The following FNDC7 variants were observed in gnomAD, a reference collection of about 807,000 sequenced individuals.
FNDC7 encodes fibronectin type III domain-containing protein 7.
A neutral mutation model predicts 74.2 loss-of-function variants in FNDC7; 66 were observed. The observed-to-expected ratio is 0.89, with a 90% CI of 0.73 to 1.09. FNDC7 has a LOEUF of 1.09. Among genes scored for constraint, FNDC7 ranks in the 50% least tolerant of loss-of-function variants. The pLI, the probability that FNDC7 is intolerant of heterozygous loss-of-function variation, is 0.00. For missense variants in FNDC7, 829 were observed against 893.4 expected (o/e 0.93, Z 0.92); for synonymous variants, 307 against 330.2 (o/e 0.93, Z 0.76).
At chr1:108,732,135 G>A (rs897605814) in intron 9 of FNDC7, among the ~76,000 whole-genome samples, 16 of 152,136 alleles carry the variant, frequency 1.1e-4, no homozygotes, top group African/African-American at 3.9e-4. Flanking sequence ...CGAGGCAGGC[G>A]GATCACGAGG....
chr1:108,713,023 A>G, intron 1 of FNDC7, 27 bp downstream of exon 1: 2 of 1,538,896 alleles, frequency 1.3e-6, no homozygotes, highest in Non-Finnish European at 1.8e-6. Flanking sequence ...AACTACCCAC[A>G]ACTATTTAGG....
chr1:108,722,324 C>G lies in FNDC7; in HGVS notation c.599-11C>G, dbSNP rs780648644. The G allele has an allele frequency of 1.1e-5, 17 of 1,573,166 alleles. No homozygotes were observed. The East Asian group carries it at 3.4e-4, about 31-fold the overall frequency. On this transcript the variant is annotated splice_polypyrimidine_tract_variant and intron_variant, in intron 4 of 12. Coordinates refer to ENST00000370017, the MANE Select transcript of FNDC7 (RefSeq NM_001144937.3). The stretch of plus-strand genomic sequence containing the variant: ...CTACTACAAAATCTTAATTGTTTCT[C>G]TAAAATGTAGGTCCTCGGGCCCCTG...
intron 4 of FNDC7, among the ~76,000 whole-genome samples, chr1:108,721,537 C>T (rs983928764): frequency 1.3e-5 from 2 of 152,332 alleles, no homozygotes; most frequent in African/African-American, 4.8e-5. Context: ...GGTCTCTGCT[C>T]ACAGACTGTT....
At chr1:108,726,066 G>C in intron 6 of FNDC7, 62 bp downstream of exon 6, 1 of 1,576,458 alleles carries the variant, frequency 6.3e-7, no homozygotes, top group South Asian at 1.2e-5. Flanking sequence ...CAGCAGAATG[G>C]ATCACCTATT....
chr1:108,721,606 G>A (rs1349027052), intron 4 of FNDC7, among the ~76,000 whole-genome samples: 1 of 152,188 alleles, frequency 6.6e-6, no homozygotes, highest in South Asian at 2.1e-4. Context: ...TCCAAAGAAC[G>A]GAGGCCAATT....
chr1:108,713,047 A>G, intron 1 of FNDC7, 51 bp downstream of exon 1: 2 of 1,475,820 alleles, frequency 1.4e-6, no homozygotes, highest in Non-Finnish European at 9.2e-7. Flanking sequence ...AAAAAGAAAG[A>G]CACATTATTT....
At chr1:108,716,233 A>C (rs1259499793) in intron 2 of FNDC7, among the ~76,000 whole-genome samples, 2 of 152,146 alleles carry the variant, frequency 1.3e-5, no homozygotes, top group Admixed American at 1.3e-4. Context: ...CTGGGGACAG[A>C]GGAAACAGAA....
chr1:108,725,064 G>A (rs1238481520), intron 5 of FNDC7, among the ~76,000 whole-genome samples: 5 of 151,852 alleles, frequency 3.3e-5, no homozygotes, highest in Admixed American at 3.3e-4. Context: ...CTGGGCAACC[G>A]AGTGAGACTC....
intron 10 of FNDC7, 91 bp from the exon 11 acceptor site, chr1:108,737,404 T>G (rs1661538747): frequency 8.0e-7 from 1 of 1,248,918 alleles, no homozygotes. Context: ...TTTGGTTTAC[T>G]TTCCTTTTAT....
chr1:108,722,623 G>T lies in FNDC7; in HGVS notation c.856+31G>T, dbSNP rs181525844. ...TAAACAAGAGTGAGACTGCTGTCGG[G>T]CTTGCAGCCCTGACTGCTGTAAGGG... On this transcript the variant is annotated intron_variant, in intron 5 of 12. Transcript: ENST00000370017. 981 of 1,589,508 alleles carry T rather than the reference G, an allele frequency of 6.2e-4. 6 individuals carry two copies. In the African/African-American group the frequency reaches 0.011, roughly 18 times the overall value.
chr1:108,735,358 C>T (rs1661485116), intron 10 of FNDC7, among the ~76,000 whole-genome samples: 1 of 152,178 alleles, frequency 6.6e-6, no homozygotes, highest in African/African-American at 2.4e-5. Flanking sequence ...TTCCAGGACA[C>T]TGGTCCAATT....
At chr1:108,714,731 G>A (rs952406584) in intron 2 of FNDC7, among the ~76,000 whole-genome samples, 11 of 148,150 alleles carry the variant, frequency 7.4e-5, no homozygotes, top group Admixed American at 6.2e-4. Flanking sequence ...CAGCCTCTCC[G>A]AGCAGCTGGG....
At chr1:108,714,607 T>TTTC (rs1166877611) in intron 2 of FNDC7, among the ~76,000 whole-genome samples, 1 of 142,096 alleles carries the variant, frequency 7.0e-6, no homozygotes, top group Non-Finnish European at 1.5e-5. Context: ...AAAGTGGCAT[T>TTTC]TTTTTTTTTT....
chr1:108,725,138 A>G (rs1019703103), intron 5 of FNDC7, among the ~76,000 whole-genome samples: 10 of 152,142 alleles, frequency 6.6e-5, no homozygotes, highest in Non-Finnish European at 1.2e-4. Context: ...TTTTAATAAA[A>G]GAATTTTCCA....
chr1:108,740,005 C>A (rs543961323), intron 11 of FNDC7, among the ~76,000 whole-genome samples: 88 of 144,610 alleles, frequency 6.1e-4, no homozygotes, highest in Non-Finnish European at 1.1e-3. Flanking sequence ...TAGTGAGAGC[C>A]CCCTGCCCTC....
intron 2 of FNDC7, among the ~76,000 whole-genome samples, chr1:108,714,324 A>G (rs1306427598): frequency 6.6e-6 from 1 of 152,242 alleles, no homozygotes; most frequent in African/African-American, 2.4e-5. Flanking sequence ...TGATACAGAT[A>G]CATGTCTGAG....
chr1:108,719,005 C>T lies in FNDC7; in HGVS notation c.554C>T (p.Ala185Val), dbSNP rs1022283953. 2.6e-6 allele frequency: 4 copies of T among 1,552,072 alleles called. No individual in the cohort carries two copies. The highest frequency in any genetic ancestry group is 2.7e-5 in the African/African-American group (2 of 73,026). Residue 185 changes from alanine to valine, a missense_variant, in exon 4 of 13, where the codon GCC (alanine) becomes GTC (valine). Transcript: ENST00000370017. Reference sequence around the variant, plus strand: ...ACCATAAAGGCCTATGCATGGAATGCCAACAGAATCCCTGGGGATGACTCC... The same window carrying T: ...ACCATAAAGGCCTATGCATGGAATGTCAACAGAATCCCTGGGGATGACTCC... ...LYTIKAYAWN[A>V]NRIPGDDSTC...
Position 108,728,748 on chromosome 1 carries a change from G to T in FNDC7, c.1486G>T (p.Gly496Ter). 3.1e-6 allele frequency: 5 copies of T among 1,614,258 alleles called. No individual in the cohort carries two copies. The highest frequency in any genetic ancestry group is 4.2e-6 in the Non-Finnish European group (5 of 1,180,022). Residue 496 changes from glycine to a stop codon, truncating the protein, a stop_gained, in exon 8 of 13, where the codon GGA (glycine) becomes TGA (stop). Coordinates refer to ENST00000370017, the MANE Select transcript of FNDC7 (RefSeq NM_001144937.3). LOFTEE classifies it high-confidence loss of function. ...TYTVTAQGEK[G>*]LYQCSSTGES... The stretch of plus-strand genomic sequence containing the variant: ...CACGGTGACTGCCCAAGGGGAGAAA[G>T]GACTGTATCAGTGCAGCAGCACAGG...
Position 108,717,803 on chromosome 1 carries a change from G to T in FNDC7, c.109G>T (p.Ala37Ser). The change falls in exon 3 of 13, where the codon GCA becomes TCA. Residue 37 changes from alanine (A) to serine (S), a missense_variant. Transcript: ENST00000370017. ...SAPEIPTIDQAYSKLSNSITV... is the reference protein window; with the variant it reads ...SAPEIPTIDQSYSKLSNSITV... ...TCCTGAAATACCCACTATTGATCAGGCATATTCAAAACTCAGCAACAGTAT... is the reference window on the plus strand; with the variant it reads ...TCCTGAAATACCCACTATTGATCAGTCATATTCAAAACTCAGCAACAGTAT... 6.4e-7 allele frequency: 1 copy of T among 1,551,640 alleles called. No individual in the cohort carries two copies. Among genetic ancestry groups the T allele is most frequent in the Non-Finnish European group, 8.7e-7 (1 of 1,146,978 alleles).
Sources: gnomAD v4.1 joint callset for allele counts (sites outside exome capture counted in the v4.1 genomes callset) on GRCh38, gnomAD v4.1.1 for gene constraint, MANE v1.5 for transcripts, NCBI Gene and HGNC (gene_info 2026-07-23, HGNC 2026-07-21) for gene names.